GRK5: variants seen among roughly 807,000 people sequenced by gnomAD.
GRK5 encodes the protein g protein-coupled receptor kinase GRK5.
GRK5 carries 40 observed loss-of-function variants against 78.4 expected under a neutral mutation model. That is an observed-to-expected ratio of 0.51 (90% confidence interval 0.40 to 0.66). GRK5 has a LOEUF of 0.66. GRK5 is among the 30% of genes least tolerant of loss of function. The pLI is 0.00. For synonymous variants in GRK5, 289 were observed against 296.8 expected, an observed-to-expected ratio of 0.97 and a Z score of 0.27; for missense variants, 598 against 759.9, an observed-to-expected ratio of 0.79 and a Z score of 2.50.
intron 1 of GRK5, among the ~76,000 whole-genome samples, chr10:119,314,921 G>T (rs1421869285): frequency 2.0e-5 from 3 of 152,210 alleles, no homozygotes; most frequent in Admixed American, 2.0e-4. Flanking sequence ...CCAGGCAGGG[G>T]CTGGCTGTTC....
intron 1 of GRK5, among the ~76,000 whole-genome samples, chr10:119,240,069 C>T (rs1848997712): frequency 6.6e-6 from 1 of 152,010 alleles, no homozygotes; most frequent in African/African-American, 2.4e-5. Flanking sequence ...GTATTTCTGG[C>T]TCTAGATCCT....
chr10:119,341,698 C>T (rs561827240), intron 2 of GRK5, among the ~76,000 whole-genome samples: 6 of 152,200 alleles, frequency 3.9e-5, no homozygotes, highest in Middle Eastern at 3.4e-3. Context: ...TTTGCCAGCA[C>T]CCAGCATGAG....
At chr10:119,426,924 G>A (rs376055389) in intron 6 of GRK5, among the ~76,000 whole-genome samples, 9 of 150,222 alleles carry the variant, frequency 6.0e-5, no homozygotes, top group African/African-American at 2.0e-4. Context: ...CATCACTGCT[G>A]TTATCAATAT....
chr10:119,407,427 C>T (rs189848496), intron 4 of GRK5, among the ~76,000 whole-genome samples: 35 of 152,338 alleles, frequency 2.3e-4, no homozygotes, highest in African/African-American at 8.4e-4. Flanking sequence ...TTCAATTCCT[C>T]TGAGGTGCTT....
intron 1 of GRK5, among the ~76,000 whole-genome samples, chr10:119,294,715 T>C (rs575631755): frequency 7.0e-4 from 106 of 152,328 alleles, no homozygotes; most frequent in African/African-American, 2.5e-3. Context: ...CAGCAAACTG[T>C]GACCCTTAGG....
At chr10:119,338,514 A>T (rs1850932033) in intron 2 of GRK5, among the ~76,000 whole-genome samples, 1 of 152,212 alleles carries the variant, frequency 6.6e-6, no homozygotes, top group Non-Finnish European at 1.5e-5. Flanking sequence ...ACATAGTATC[A>T]AAAATGTTTT....
rs559698392 is a variant in GRK5, at chr10:119,426,814, C to T, written c.533+1729C>T. Reference sequence around the variant, plus strand: ...ATCACCACCTTCATCAACATCACCACCATCATCAGCATCATCACCATCATC... The same window carrying T: ...ATCACCACCTTCATCAACATCACCATCATCATCAGCATCATCACCATCATC... On this transcript the variant is annotated intron_variant, in intron 6 of 15. Transcript: ENST00000392870. Among the ~76,000 whole-genome samples the T allele has an allele frequency of 1.7e-3, 265 of 152,128 alleles. 2 individuals are homozygous for T. The highest frequency in any genetic ancestry group is 6.0e-3 in the African/African-American group (249 of 41,472).
At chr10:119,317,470 G>A (rs915746561) in intron 1 of GRK5, among the ~76,000 whole-genome samples, 1 of 151,986 alleles carries the variant, frequency 6.6e-6, no homozygotes, top group African/African-American at 2.4e-5. Context: ...GGGGGGAAGC[G>A]GCCCCTGAGG....
intron 8 of GRK5, among the ~76,000 whole-genome samples, chr10:119,435,421 G>C (rs1247410338): frequency 1.3e-5 from 2 of 152,146 alleles, no homozygotes; most frequent in Admixed American, 1.3e-4. Context: ...GTGCTTTGTT[G>C]CTTAGAAATT....
Position 119,311,914 on chromosome 10 carries a change from A to ACTTTTTT in GRK5, c.53-14602_53-14601insCTTTTTT, listed in dbSNP as rs34048341. Among the ~76,000 whole-genome samples the ACTTTTTT allele has an allele frequency of 6.5e-5, 9 of 137,814 alleles. 3 individuals carry two copies. The highest frequency in any genetic ancestry group is 7.4e-5 in the Admixed American group (1 of 13,554). The allele number at this position is 137,814 out of a possible 152,430, so 90.4% of individuals were successfully genotyped here. A position where few individuals can be genotyped will look rare whatever the true frequency, so the allele number is the denominator to read the frequency against. On this transcript the variant is annotated intron_variant, in intron 1 of 15. Transcript: ENST00000392870. ...TGTACTGAATGCTACTGAATTGTTC[A>ACTTTTTT]TTTTTTTTTTTTTTTTTTTGAGACG...
intron 1 of GRK5, among the ~76,000 whole-genome samples, chr10:119,212,244 T>C (rs1848500215): frequency 1.3e-5 from 2 of 152,196 alleles, no homozygotes; most frequent in Admixed American, 1.3e-4. Context: ...CCTTTTGCTT[T>C]CTTAAAGATT....
intron 1 of GRK5, chr10:119,208,569 A>G (rs1193921707): frequency 6.6e-6 from 1 of 152,250 alleles, no homozygotes; most frequent in African/African-American, 2.4e-5. Flanking sequence ...CACCTAGAAA[A>G]TAATTCAGTA....
intron 1 of GRK5, among the ~76,000 whole-genome samples, chr10:119,256,976 A>C (rs7082168): frequency 0.29 from 44,688 of 152,180 alleles, 7,005 homozygotes; most frequent in African/African-American, 0.41. Context: ...TAAATGAAAT[A>C]ATACAATATG....
chr10:119,341,522 A>G (rs1850980693), intron 2 of GRK5, among the ~76,000 whole-genome samples: 1 of 152,100 alleles, frequency 6.6e-6, no homozygotes. Context: ...CCTGCTTCAT[A>G]GGTCACCTCC....
In GRK5 at chr10:119,443,736, A is replaced by C; in HGVS notation, c.1250A>C (p.Lys417Thr). The change falls in exon 12 of 16, where the codon AAG becomes ACG. Residue 417 changes from lysine (K) to threonine (T), a missense_variant. Lys to Thr is a moderately conservative substitution (Grantham distance 78). Transcript: ENST00000392870. ...TCCCACAAGTTCTCCGAGGAGGCCA[A>C]GTCCATCTGCAAGATGGTGAGCTCC... The part of the protein sequence containing the change: ...VYSHKFSEEA[K>T]SICKMLLTKD... The C allele has an allele frequency of 6.2e-7, 1 of 1,602,100 alleles. No homozygotes were observed. Among genetic ancestry groups the C allele is most frequent in the Non-Finnish European group, 8.5e-7 (1 of 1,171,132 alleles).
At chr10:119,380,471 G>T (rs181479855) in intron 2 of GRK5, among the ~76,000 whole-genome samples, 15 of 152,354 alleles carry the variant, frequency 9.8e-5, no homozygotes, top group Admixed American at 3.3e-4. Context: ...TTACAGGCCT[G>T]CCACCCTTAT....
intron 5 of GRK5, among the ~76,000 whole-genome samples, chr10:119,424,297 G>A (rs1001639674): frequency 6.6e-6 from 1 of 152,094 alleles, no homozygotes; most frequent in Non-Finnish European, 1.5e-5. Context: ...CCTTCCCCAG[G>A]CTCCAAGTGC....
chr10:119,259,133 C>A (rs951881337), intron 1 of GRK5, among the ~76,000 whole-genome samples: 2 of 145,980 alleles, frequency 1.4e-5, no homozygotes, highest in Non-Finnish European at 3.0e-5. Flanking sequence ...GGTGCTATCT[C>A]GGCTCACTGC....
intron 6 of GRK5, among the ~76,000 whole-genome samples, chr10:119,428,123 G>A (rs1231375828): frequency 2.0e-5 from 3 of 152,250 alleles, no homozygotes; most frequent in Non-Finnish European, 2.9e-5. Flanking sequence ...CCCACGCCCG[G>A]TTCTGGAGCC....
Sources: gnomAD v4.1 joint callset for allele counts (sites outside exome capture counted in the v4.1 genomes callset) on GRCh38, gnomAD v4.1.1 for gene constraint, MANE v1.5 for transcripts, NCBI Gene and HGNC (gene_info 2026-07-23, HGNC 2026-07-21) for gene names.